PARP11: variants seen among roughly 807,000 people sequenced by gnomAD.
PARP11 encodes protein mono-ADP-ribosyltransferase PARP11.
A neutral mutation model predicts 42.9 loss-of-function variants in PARP11; 31 were observed. That is an observed-to-expected ratio of 0.72 (90% CI 0.54 to 0.98). PARP11 has a LOEUF of 0.98. Ranked by LOEUF, PARP11 falls within the 50% of genes least tolerant of loss-of-function variation. The pLI, the probability that PARP11 is intolerant of heterozygous loss-of-function variation, is 0.00. For synonymous variants in PARP11, 137 were observed against 127.3 expected (o/e 1.08, Z -0.51); for missense variants, 365 against 413.1 (o/e 0.88, Z 1.01).
chr12:3,812,486 T>C (rs927271324), intron 7 of PARP11, 47 bp from the exon 8 acceptor site: 2 of 1,413,362 alleles, frequency 1.4e-6, no homozygotes, highest in Middle Eastern at 1.8e-4. Flanking sequence ...CCGAAGAATA[T>C]ATTAAAAACA....
At chr12:3,819,988 A>G (rs1395601038) in intron 6 of PARP11, among the ~76,000 whole-genome samples, 1 of 151,962 alleles carries the variant, frequency 6.6e-6, no homozygotes, top group Non-Finnish European at 1.5e-5. Flanking sequence ...CTCCTATCCA[A>G]CTGGTGTCTG....
intron 5 of PARP11, 34 bp downstream of exon 5, chr12:3,822,051 T>C: frequency 6.2e-7 from 1 of 1,609,710 alleles, no homozygotes; most frequent in Non-Finnish European, 8.5e-7. Context: ...TTCCGGTTTC[T>C]TTCATGGGTA....
chr12:3,835,472 A>T (rs1005139456), intron 1 of PARP11, among the ~76,000 whole-genome samples: 1 of 152,256 alleles, frequency 6.6e-6, no homozygotes, highest in Non-Finnish European at 1.5e-5. Context: ...CAACAAAAAA[A>T]TTATGAGACA....
At chr12:3,847,589 T>C (rs534024198) in intron 1 of PARP11, among the ~76,000 whole-genome samples, 2 of 152,348 alleles carry the variant, frequency 1.3e-5, no homozygotes, top group Admixed American at 6.5e-5. Flanking sequence ...ATCATTTTAA[T>C]AGATGCTTTA....
intron 7 of PARP11, among the ~76,000 whole-genome samples, chr12:3,812,776 T>A (rs114678419): frequency 0.018 from 2,788 of 152,218 alleles, 124 homozygotes; most frequent in East Asian, 0.14. Context: ...GGTTTAATGA[T>A]TAAAAGTGTG....
intron 7 of PARP11, among the ~76,000 whole-genome samples, chr12:3,813,056 C>G (rs563762477): frequency 5.9e-5 from 9 of 152,166 alleles, no homozygotes; most frequent in African/African-American, 2.2e-4. Flanking sequence ...CCACCTGCCT[C>G]GACCTCCCAA....
chr12:3,818,470 C>A (rs936256986), intron 6 of PARP11, among the ~76,000 whole-genome samples: 3 of 152,202 alleles, frequency 2.0e-5, no homozygotes, highest in African/African-American at 7.2e-5. Flanking sequence ...AACTGCCCTT[C>A]CACTCTTTCT....
chr12:3,821,254 C>T (rs779163560), intron 6 of PARP11, among the ~76,000 whole-genome samples: 7 of 151,976 alleles, frequency 4.6e-5, no homozygotes, highest in African/African-American at 1.4e-4. Context: ...TTCAGAGAAC[C>T]GCTTATTTTA....
chr12:3,832,957 A>G (rs866298339), intron 1 of PARP11, among the ~76,000 whole-genome samples: 1 of 152,238 alleles, frequency 6.6e-6, no homozygotes, highest in African/African-American at 2.4e-5. Context: ...TCTGTTACAA[A>G]GAGAATCTTT....
intron 4 of PARP11, among the ~76,000 whole-genome samples, chr12:3,825,245 A>G (rs936418456): frequency 5.9e-5 from 9 of 152,206 alleles, no homozygotes; most frequent in African/African-American, 2.2e-4. Flanking sequence ...CATGAATAAT[A>G]AATATGTATT....
chr12:3,832,083 AAC>A, intron 1 of PARP11: 1 of 863,262 alleles, frequency 1.2e-6, no homozygotes, highest in Non-Finnish European at 1.4e-6. Context: ...GCATACATAT[AAC>A]ATGTGTGCTC....
intron 1 of PARP11, chr12:3,841,112 T>G: frequency 6.2e-7 from 1 of 1,611,304 alleles, no homozygotes; most frequent in Non-Finnish European, 8.5e-7. Context: ...ATACAGGCAG[T>G]TAACCAGCCC....
In PARP11 at chr12:3,840,221, G is replaced by A; in HGVS notation, c.19-10203C>T. On this transcript the variant is annotated intron_variant, in intron 1 of 7. Transcript: ENST00000228820. This position sits in a 1 kb window ranked among gnomAD's most constrained non-coding sequence, Gnocchi z 4.4. ...AAATTTTTGAATGCAGACGTTCAAG[G>A]AGTTCATTCTGAGAATGGACCAGTT... 1 of 1,611,364 alleles carries A rather than the reference G, an allele frequency of 6.2e-7. No homozygotes were observed. Among genetic ancestry groups the A allele is most frequent in the South Asian group, 1.1e-5 (1 of 91,014 alleles).
At chr12:3,848,718 C>T (rs141426865) in intron 1 of PARP11, among the ~76,000 whole-genome samples, 1,728 of 152,050 alleles carry the variant, frequency 0.011, 26 homozygotes, top group African/African-American at 0.039. Context: ...GAAGAAAACA[C>T]TGGGGAAATA....
At chr12:3,829,740 G>A (rs1947598475) in intron 2 of PARP11, 150 bp downstream of exon 2, 3 of 740,676 alleles carry the variant, frequency 4.1e-6, no homozygotes, top group Non-Finnish European at 6.4e-6. Context: ...AAAAGCACTG[G>A]AAGAATTTCT....
rs541500064 is a variant in PARP11, at chr12:3,834,928, C to T, written c.19-4910G>A. On this transcript the variant is annotated intron_variant, in intron 1 of 7. Coordinates refer to ENST00000228820, the MANE Select transcript of PARP11 (RefSeq NM_020367.6). The stretch of plus-strand genomic sequence containing the variant: ...ACAGAGCGGAGAAACTTCATTGGCA[C>T]AAGGGTCTGAATCACCACCTCTGGC... 4.3e-4 allele frequency among the ~76,000 whole-genome samples: 65 copies of T among 152,196 alleles called. No homozygotes were observed. The South Asian group carries it at 0.01, about 24-fold the overall frequency.
chr12:3,850,491 C>T (rs1409200155), intron 1 of PARP11, among the ~76,000 whole-genome samples: 2 of 152,180 alleles, frequency 1.3e-5, no homozygotes, highest in Non-Finnish European at 2.9e-5. Flanking sequence ...CAGGCCCTTT[C>T]AGCTGTAATA....
At chr12:3,838,975 C>T (rs1219023679) in intron 1 of PARP11, among the ~76,000 whole-genome samples, 2 of 152,160 alleles carry the variant, frequency 1.3e-5, no homozygotes, top group South Asian at 2.1e-4. Flanking sequence ...CGGCCTGGGT[C>T]CTGAGTCGGG....
intron 1 of PARP11, chr12:3,842,636 T>TA (rs2138075967): frequency 2.9e-6 from 2 of 694,876 alleles, no homozygotes; most frequent in East Asian, 2.5e-5. Context: ...CCAGCCTCCT[T>TA]ACCTTCCCTC....
Sources: allele counts gnomAD v4.1 joint callset (sites outside exome capture counted in the v4.1 genomes callset), GRCh38; gene constraint gnomAD v4.1.1; non-coding constraint Gnocchi (gnomAD v3.1); transcripts MANE v1.5; gene names NCBI Gene and HGNC (gene_info 2026-07-23, HGNC 2026-07-21).